Variants in SLC41A2 observed in about 807,000 individuals in gnomAD.
SLC41A2 encodes SLC41A1-like 1.
Under a neutral mutation model 58.3 loss-of-function variants are expected in SLC41A2, and 32 were observed. The observed-to-expected ratio is 0.55, with a 90% CI of 0.41 to 0.74. The LOEUF (loss-of-function observed/expected upper bound fraction) is 0.74. Among genes scored for constraint, SLC41A2 ranks in the 30% least tolerant of loss-of-function variants. SLC41A2 has a pLI of 0.00. For missense variants in SLC41A2, 514 were observed against 680.6 expected (o/e 0.76, Z 2.72); for synonymous variants, 190 against 235.0 (o/e 0.81, Z 1.75).
chr12:104,821,076 T>TCTGTGATTCAAA (rs1454410378), intron 10 of SLC41A2, among the ~76,000 whole-genome samples: 1 of 152,248 alleles, frequency 6.6e-6, no homozygotes, highest in African/African-American at 2.4e-5. Context: ...GTGTACAGTT[T>TCTGTGATTCAAA]CTGTGATTCT....
Position 104,928,553 on chromosome 12 carries a change from TC to T in SLC41A2, c.-27del, listed in dbSNP as rs747414208. The T allele has an allele frequency of 7.2e-6, 10 of 1,395,712 alleles. No individual in the cohort carries two copies. In the African/African-American group the frequency reaches 1.3e-4, roughly 18 times the overall value. 86.5% of individuals were successfully genotyped at this position (1,395,712 alleles called of 1,614,324 possible). ...ATTGTCATCACAAAAGACCCTGTAC[TC>T]CTTAGATCTCAAGCTTCGGGAACCA... On this transcript the variant is annotated 5_prime_UTR_variant, in exon 2 of 11. Coordinates refer to ENST00000258538, the MANE Select transcript of SLC41A2 (RefSeq NM_001352171.3).
chr12:104,912,155 T>C (rs1465114704), intron 2 of SLC41A2, among the ~76,000 whole-genome samples: 1 of 152,210 alleles, frequency 6.6e-6, no homozygotes. Flanking sequence ...TTTATGACAC[T>C]TGCTGTGATA....
At chr12:104,856,620 C>T (rs769136839) in intron 8 of SLC41A2, among the ~76,000 whole-genome samples, 1 of 151,922 alleles carries the variant, frequency 6.6e-6, no homozygotes, top group Non-Finnish European at 1.5e-5. Context: ...TGGGAGATAC[C>T]GGAAAAGTTA....
In SLC41A2 at chr12:104,854,572, A is replaced by AC. The variant is rs1555202619; in HGVS notation, c.1255+6718_1255+6719insG. 3.4e-5 allele frequency among the ~76,000 whole-genome samples: 5 copies of AC among 147,864 alleles called. No homozygotes were observed. In the East Asian group the frequency reaches 6.1e-4, roughly 18 times the overall value. ...AGCCAGACTCCGTCTCAAAAAAACAAAAAAAAAAAAACACCGCCTTAGATC... is the reference window on the plus strand; with the variant it reads ...AGCCAGACTCCGTCTCAAAAAAACAACAAAAAAAAAAACACCGCCTTAGATC... On this transcript the variant is annotated intron_variant, in intron 8 of 10. Transcript: ENST00000258538.
intron 3 of SLC41A2, among the ~76,000 whole-genome samples, chr12:104,901,631 C>T (rs932701917): frequency 2.0e-4 from 30 of 152,132 alleles, no homozygotes; most frequent in African/African-American, 7.0e-4. Context: ...TTCACTGCAA[C>T]CACCTCCTCC....
intron 1 of SLC41A2, among the ~76,000 whole-genome samples, chr12:104,938,874 G>C (rs919598776): frequency 3.3e-5 from 5 of 152,204 alleles, no homozygotes; most frequent in Non-Finnish European, 7.3e-5. Flanking sequence ...AGCACTTAAA[G>C]ATTGCAGTCT....
chr12:104,895,571 C>G (rs547262034), intron 3 of SLC41A2, among the ~76,000 whole-genome samples: 1 of 152,120 alleles, frequency 6.6e-6, no homozygotes, highest in South Asian at 2.1e-4. Flanking sequence ...ACCTGTCTTA[C>G]AAGAACTAGT....
Position 104,947,718 on chromosome 12 carries a change from A to T in SLC41A2, c.-168+10370T>A, listed in dbSNP as rs185278390. Among the ~76,000 whole-genome samples the T allele has an allele frequency of 3.0e-3, 451 of 152,264 alleles. 3 individuals carry two copies. The highest frequency in any genetic ancestry group is 0.01 in the African/African-American group (419 of 41,564). On this transcript the variant is annotated intron_variant, in intron 1 of 10. Transcript: ENST00000258538. ...GGTACATATATATACCAAAAAGTAC[A>T]AGTCTTCAGGGAACCACAATGTTTT...
At chr12:104,938,961 A>C (rs377595039) in intron 1 of SLC41A2, among the ~76,000 whole-genome samples, 5 of 152,210 alleles carry the variant, frequency 3.3e-5, no homozygotes, top group South Asian at 4.1e-4. Flanking sequence ...AAAATTTTAC[A>C]AAGTTAAAAA....
intron 6 of SLC41A2, among the ~76,000 whole-genome samples, chr12:104,885,601 T>C (rs2044617679): frequency 6.6e-6 from 1 of 152,168 alleles, no homozygotes; most frequent in Non-Finnish European, 1.5e-5. Flanking sequence ...CTAAAAATAA[T>C]AAAACCACAA....
chr12:104,840,549 T>G (rs2042374728), intron 10 of SLC41A2, among the ~76,000 whole-genome samples: 1 of 152,206 alleles, frequency 6.6e-6, no homozygotes, highest in Admixed American at 6.5e-5. Flanking sequence ...AGCAATGTGA[T>G]TGGTGGTATG....
At chr12:104,863,224 G>A (rs1265653083) in intron 7 of SLC41A2, among the ~76,000 whole-genome samples, 1 of 152,154 alleles carries the variant, frequency 6.6e-6, no homozygotes, top group Admixed American at 6.6e-5. Flanking sequence ...GACTGCTTGA[G>A]ACTAGCAGTT....
chr12:104,906,022 G>C (rs939549744), intron 3 of SLC41A2, among the ~76,000 whole-genome samples: 16 of 152,274 alleles, frequency 1.1e-4, no homozygotes, highest in African/African-American at 3.9e-4. Context: ...CCCAGGCAGG[G>C]GAGGTGCCGA....
chr12:104,890,669 G>C (rs1167815615), intron 4 of SLC41A2, among the ~76,000 whole-genome samples: 2 of 152,226 alleles, frequency 1.3e-5, no homozygotes, highest in African/African-American at 4.8e-5. Context: ...GGTTTAAGTA[G>C]TAGATGTGAA....
At chr12:104,909,565 GAGAA>G in intron 3 of SLC41A2, 86 bp downstream of exon 3, 4 of 886,038 alleles carry the variant, frequency 4.5e-6, no homozygotes, top group Non-Finnish European at 7.2e-6. Context: ...AAGCATATCA[GAGAA>G]AGAAATATTT....
At chr12:104,957,280 C>T (rs1401965967) in intron 1 of SLC41A2, among the ~76,000 whole-genome samples, 2 of 152,172 alleles carry the variant, frequency 1.3e-5, no homozygotes, top group African/African-American at 4.8e-5. Context: ...ACACAAAAAG[C>T]CACATATTGT....
At chr12:104,817,329 G>A (rs1027255457) in intron 10 of SLC41A2, among the ~76,000 whole-genome samples, 1 of 152,162 alleles carries the variant, frequency 6.6e-6, no homozygotes. Context: ...TGAATGTGAA[G>A]GCCTGGGACA....
chr12:104,826,636 C>G (rs1195230098), intron 10 of SLC41A2, among the ~76,000 whole-genome samples: 1 of 152,236 alleles, frequency 6.6e-6, no homozygotes, highest in East Asian at 1.9e-4. Context: ...CAGTCTCACT[C>G]TTGCCTTTCC....
intron 6 of SLC41A2, among the ~76,000 whole-genome samples, chr12:104,869,728 G>T (rs2043664890): frequency 6.6e-6 from 1 of 152,082 alleles, no homozygotes; most frequent in African/African-American, 2.4e-5. Flanking sequence ...ATCCAATTTT[G>T]ATAGGTAGGG....
Sources: gnomAD v4.1 joint callset for allele counts (sites outside exome capture counted in the v4.1 genomes callset) on GRCh38, gnomAD v4.1.1 for gene constraint, MANE v1.5 for transcripts, NCBI Gene and HGNC (gene_info 2026-07-23, HGNC 2026-07-21) for gene names.